Variants in AGBL1 observed in about 807,000 individuals in gnomAD.
AGBL1 encodes the protein cytosolic carboxypeptidase 4.
AGBL1 carries 130 observed loss-of-function variants against 118.9 expected under a neutral mutation model. The ratio of observed to expected loss-of-function variants is 1.09; its 90% CI spans 0.95 to 1.26. The LOEUF (loss-of-function observed/expected upper bound fraction) is 1.26, where lower values mean the gene tolerates loss of function less well. Among genes scored for constraint, AGBL1 ranks in the 50% most tolerant of loss-of-function variants. AGBL1 has a pLI of 0.00. For missense variants in AGBL1, 1,584 were observed against 1,298.1 expected, an observed-to-expected ratio of 1.22 and a Z score of -3.38; for synonymous variants, 555 against 478.9, an observed-to-expected ratio of 1.16 and a Z score of -2.08.
chr15:86,269,148 A>G (rs1419452110), intron 13 of AGBL1, among the ~76,000 whole-genome samples: 1 of 152,194 alleles, frequency 6.6e-6, no homozygotes, highest in African/African-American at 2.4e-5. Context: ...TTTCAGATGT[A>G]GATAAATTCA....
chr15:86,245,642 G>A (rs1200732704), intron 6 of AGBL1, among the ~76,000 whole-genome samples: 6 of 152,272 alleles, frequency 3.9e-5, no homozygotes, highest in South Asian at 2.1e-4. Flanking sequence ...TTTTAAGTCC[G>A]TAAAATACGG....
chr15:86,676,752 G>A (rs917331939), intron 22 of AGBL1, among the ~76,000 whole-genome samples: 1 of 152,140 alleles, frequency 6.6e-6, no homozygotes, highest in Non-Finnish European at 1.5e-5. Flanking sequence ...TTGCGTGGAA[G>A]GAATTGTGAA....
chr15:86,857,107 T>C (rs1291357121), intron 22 of AGBL1, among the ~76,000 whole-genome samples: 1 of 152,186 alleles, frequency 6.6e-6, no homozygotes, highest in Admixed American at 6.5e-5. Context: ...CCAATTTCTG[T>C]ACGTTTTATG....
chr15:86,243,153 T>C (rs902798617), intron 6 of AGBL1, among the ~76,000 whole-genome samples: 3 of 152,204 alleles, frequency 2.0e-5, no homozygotes, highest in Non-Finnish European at 2.9e-5. Flanking sequence ...CATTTTTTTT[T>C]CCTCCTGATT....
In AGBL1 at chr15:86,195,156, A is replaced by C. The variant is rs1003865056; in HGVS notation, c.489-29758A>C. On this transcript the variant is annotated intron_variant, in intron 5 of 22. Transcript: ENST00000614907. ...TGCTGGGGAAGGACTGATGAGTAGA[A>C]AAAGATATGGTCTCTGTCCTGAGTT... Among the ~76,000 whole-genome samples the C allele has an allele frequency of 2.0e-5, 3 of 152,182 alleles. No individual in the cohort carries two copies. The South Asian group carries it at 6.2e-4, about 32-fold the overall frequency.
At chr15:86,305,995 T>A (rs7179961) in intron 17 of AGBL1, among the ~76,000 whole-genome samples, 329 of 148,616 alleles carry the variant, frequency 2.2e-3, no homozygotes, top group Middle Eastern at 0.014. Flanking sequence ...GTTTTTAAAA[T>A]TTTTTTTAAT....
Position 86,154,316 on chromosome 15 carries a change from C to T in AGBL1, c.263-114C>T, listed in dbSNP as rs2077158476. The T allele has an allele frequency of 1.4e-5, 17 of 1,225,098 alleles. No individual in the cohort carries two copies. The South Asian group carries it at 2.4e-4, about 18-fold the overall frequency. 75.9% of individuals were successfully genotyped at this position (1,225,098 alleles called of 1,614,324 possible). A position where few individuals can be genotyped will look rare whatever the true frequency, so the allele number is the denominator to read the frequency against. ...ATTTGTCACTAGGTCTGAAAAATGT[C>T]TTTGGCTATGATTATCCTCCTCCTT... On this transcript the variant is annotated intron_variant, in intron 3 of 22. Transcript: ENST00000614907.
intron 1 of AGBL1, among the ~76,000 whole-genome samples, chr15:86,107,286 A>G (rs1219974638): frequency 6.6e-6 from 1 of 152,238 alleles, no homozygotes; most frequent in African/African-American, 2.4e-5. Flanking sequence ...TAAAGATTTT[A>G]GAACTTAATT....
At chr15:86,122,178 C>T (rs942906533) in intron 1 of AGBL1, among the ~76,000 whole-genome samples, 3 of 152,306 alleles carry the variant, frequency 2.0e-5, no homozygotes, top group Non-Finnish European at 4.4e-5. Context: ...AGGATATTGT[C>T]CATTTCCCGA....
At chr15:86,267,386 T>A (rs1415028261) in intron 13 of AGBL1, among the ~76,000 whole-genome samples, 1 of 152,178 alleles carries the variant, frequency 6.6e-6, no homozygotes, top group Admixed American at 6.5e-5. Flanking sequence ...AAATAATGGG[T>A]CCATATTTCG....
intron 16 of AGBL1, among the ~76,000 whole-genome samples, chr15:86,280,237 C>A (rs968708139): frequency 6.6e-6 from 1 of 152,252 alleles, no homozygotes; most frequent in Admixed American, 6.5e-5. Flanking sequence ...GTGCAAGTAG[C>A]CACGCCAGCA....
chr15:86,493,077 C>T lies in AGBL1; in HGVS notation c.2556-29733C>T, dbSNP rs182401774. 2.0e-5 allele frequency among the ~76,000 whole-genome samples: 3 copies of T among 152,188 alleles called. No individual in the cohort carries two copies. In the East Asian group the frequency reaches 5.8e-4, roughly 30 times the overall value. On this transcript the variant is annotated intron_variant, in intron 18 of 22. Coordinates refer to ENST00000614907, the MANE Select transcript of AGBL1 (RefSeq NM_001386094.1). ...GGCATGGTGGTGCACACCTGTAGTC[C>T]CAGCTACTCAGGAGGCTGAGGCAGG...
At chr15:86,769,170 T>TGAGAGAGAGAGAGAGAGAGA (rs1555448304) in intron 22 of AGBL1, among the ~76,000 whole-genome samples, 1 of 60,932 alleles carries the variant, frequency 1.6e-5, no homozygotes, top group African/African-American at 4.0e-5. Context: ...CTTCTCATTT[T>TGAGAGAGAGAGAGAGAGAGA]GAGAGGGAGA....
chr15:86,417,485 G>T (rs2142018510), intron 18 of AGBL1, among the ~76,000 whole-genome samples: 1 of 152,310 alleles, frequency 6.6e-6, no homozygotes, highest in East Asian at 1.9e-4. Flanking sequence ...AGAAACATTG[G>T]TAAACCTGTG....
intron 21 of AGBL1, chr15:86,556,135 A>T: frequency 9.0e-7 from 1 of 1,110,230 alleles, no homozygotes. Flanking sequence ...ATTCACAATA[A>T]ATCAGCTGGA....
intron 22 of AGBL1, among the ~76,000 whole-genome samples, chr15:86,778,723 T>G (rs1324507417): frequency 6.6e-6 from 1 of 152,196 alleles, no homozygotes; most frequent in Non-Finnish European, 1.5e-5. Context: ...ACACATGCTC[T>G]ACAAACAATT....
chr15:86,686,132 T>A (rs564617816), intron 22 of AGBL1, among the ~76,000 whole-genome samples: 1 of 152,214 alleles, frequency 6.6e-6, no homozygotes, highest in African/African-American at 2.4e-5. Flanking sequence ...CTCCCCACTC[T>A]CAGCAAAGGA....
chr15:86,639,286 T>A (rs1194965773), intron 21 of AGBL1, among the ~76,000 whole-genome samples: 1 of 152,160 alleles, frequency 6.6e-6, no homozygotes, highest in East Asian at 1.9e-4. Flanking sequence ...GACCTTGCAC[T>A]AGATCTACTT....
intron 17 of AGBL1, among the ~76,000 whole-genome samples, chr15:86,341,663 G>A (rs1158640925): frequency 3.3e-5 from 5 of 151,902 alleles, no homozygotes; most frequent in Admixed American, 1.3e-4. Flanking sequence ...TATCATTCTC[G>A]GGCACTACAA....
Sources: gnomAD v4.1 joint callset for allele counts (sites outside exome capture counted in the v4.1 genomes callset) on GRCh38, gnomAD v4.1.1 for gene constraint, MANE v1.5 for transcripts, NCBI Gene and HGNC (gene_info 2026-07-23, HGNC 2026-07-21) for gene names.